AGBL1: variants seen among roughly 807,000 people sequenced by gnomAD.
The protein encoded by AGBL1 is cytosolic carboxypeptidase 4.
A neutral mutation model predicts 118.9 loss-of-function variants in AGBL1; 130 were observed. The ratio of observed to expected loss-of-function variants is 1.09; its 90% CI spans 0.95 to 1.26. The LOEUF (loss-of-function observed/expected upper bound fraction) is 1.26, where lower values mean the gene tolerates loss of function less well. AGBL1 is among the 50% of genes most tolerant of loss of function. AGBL1 has a pLI of 0.00. For missense variants in AGBL1, 1,584 were observed against 1,298.1 expected (o/e 1.22, Z -3.38); for synonymous variants, 555 against 478.9 (o/e 1.16, Z -2.08).
chr15:86,889,302 G>T (rs1199785522), intron 22 of AGBL1, among the ~76,000 whole-genome samples: 1 of 131,092 alleles, frequency 7.6e-6, no homozygotes, highest in Non-Finnish European at 1.5e-5. Flanking sequence ...AAATCTAAGT[G>T]CTTTCGGCAA....
intron 23 of AGBL1, among the ~76,000 whole-genome samples, chr15:86,946,801 G>A (rs1168879678): frequency 7.7e-6 from 1 of 129,896 alleles, no homozygotes; most frequent in Non-Finnish European, 1.6e-5. Context: ...CCAAAATCAT[G>A]CCATTGCACT....
At chr15:86,463,965 T>C (rs536093533) in intron 18 of AGBL1, among the ~76,000 whole-genome samples, 1 of 152,288 alleles carries the variant, frequency 6.6e-6, no homozygotes, top group Admixed American at 6.5e-5. Flanking sequence ...AGTTTTTTTC[T>C]GATTCTATAA....
At chr15:86,612,271 C>A (rs1439380508) in intron 21 of AGBL1, among the ~76,000 whole-genome samples, 2 of 152,172 alleles carry the variant, frequency 1.3e-5, no homozygotes, top group Non-Finnish European at 1.5e-5. Flanking sequence ...CAATATGCCA[C>A]CCCAAAATAT....
chr15:86,779,724 A>T (rs1023496881), intron 22 of AGBL1, among the ~76,000 whole-genome samples: 4 of 152,138 alleles, frequency 2.6e-5, no homozygotes, highest in African/African-American at 7.2e-5. Context: ...TAATGGGGAA[A>T]TAGTGGGATT....
At chr15:86,568,960 GTATGAGATACTTTGTT>G (rs2083960321) in intron 21 of AGBL1, among the ~76,000 whole-genome samples, 1 of 151,632 alleles carries the variant, frequency 6.6e-6, no homozygotes, top group Non-Finnish European at 1.5e-5. Context: ...ATAATTCCTA[GTATGAGATACTTTGTT>G]GATCTATGCC....
intron 21 of AGBL1, among the ~76,000 whole-genome samples, chr15:86,606,126 C>CAAAAAAAAAAAAAAAAAAA: frequency 1.0e-5 from 1 of 96,862 alleles, no homozygotes; most frequent in Non-Finnish European, 1.9e-5. Flanking sequence ...GACTCCATCT[C>CAAAAAAAAAAAAAAAAAAA]AAAAAAAAAA....
At chr15:86,601,446 G>A (rs534277833) in intron 21 of AGBL1, among the ~76,000 whole-genome samples, 1 of 152,248 alleles carries the variant, frequency 6.6e-6, no homozygotes, top group South Asian at 2.1e-4. Flanking sequence ...AATAGGTAGT[G>A]AATTTCACAA....
At chr15:86,151,621 G>A (rs900584902) in intron 3 of AGBL1, among the ~76,000 whole-genome samples, 7 of 152,110 alleles carry the variant, frequency 4.6e-5, no homozygotes, top group African/African-American at 9.7e-5. Flanking sequence ...AGCACAAGAC[G>A]AGTATGCCCT....
intron 24 of AGBL1, among the ~76,000 whole-genome samples, chr15:86,989,344 A>G (rs188219871): frequency 6.6e-6 from 1 of 152,208 alleles, no homozygotes; most frequent in East Asian, 1.9e-4. Flanking sequence ...CTTTTACTGT[A>G]AAGTCTGATG....
chr15:86,947,045 C>T (rs2080832697), intron 23 of AGBL1, among the ~76,000 whole-genome samples: 2 of 152,222 alleles, frequency 1.3e-5, no homozygotes, highest in South Asian at 4.1e-4. Context: ...AGCACACAAA[C>T]CTATCCAGGG....
chr15:86,710,977 A>G (rs1420834937), intron 22 of AGBL1, among the ~76,000 whole-genome samples: 2 of 152,276 alleles, frequency 1.3e-5, no homozygotes, highest in South Asian at 2.1e-4. Context: ...TTTAAAGTTC[A>G]GGGCTCAACA....
intron 13 of AGBL1, among the ~76,000 whole-genome samples, chr15:86,269,644 A>G (rs974344031): frequency 6.6e-6 from 1 of 152,234 alleles, no homozygotes; most frequent in African/African-American, 2.4e-5. Context: ...AAATAAATAC[A>G]ACTATTGTGT....
chr15:86,438,361 G>A (rs1488404765), intron 18 of AGBL1, among the ~76,000 whole-genome samples: 4 of 152,100 alleles, frequency 2.6e-5, no homozygotes, highest in African/African-American at 9.7e-5. Context: ...ACAATCACAT[G>A]CTCTGAGCAG....
intron 17 of AGBL1, among the ~76,000 whole-genome samples, chr15:86,349,002 G>A (rs901106502): frequency 6.6e-6 from 1 of 152,130 alleles, no homozygotes; most frequent in Non-Finnish European, 1.5e-5. Context: ...TTTAAGACAA[G>A]GAAACTTTGG....
intron 21 of AGBL1, among the ~76,000 whole-genome samples, chr15:86,576,331 C>G (rs557349550): frequency 1.3e-5 from 2 of 151,856 alleles, no homozygotes; most frequent in Non-Finnish European, 2.9e-5. Context: ...GGGCAGCCTC[C>G]AAACCAGAAT....
intron 23 of AGBL1, among the ~76,000 whole-genome samples, chr15:86,943,516 T>C (rs2080779850): frequency 6.6e-6 from 1 of 152,180 alleles, no homozygotes. Context: ...CTGATTTACA[T>C]AGGGCACGAG....
At chr15:86,442,754 C>T (rs75389577) in intron 18 of AGBL1, among the ~76,000 whole-genome samples, 4,138 of 152,230 alleles carry the variant, frequency 0.027, 196 homozygotes, top group African/African-American at 0.094. Context: ...GCAAGAAAAG[C>T]AAGGGCTTCG....
At chr15:86,571,561 T>A (rs2084006442) in intron 21 of AGBL1, among the ~76,000 whole-genome samples, 1 of 152,068 alleles carries the variant, frequency 6.6e-6, no homozygotes, top group East Asian at 1.9e-4. Context: ...AGAGGGTGGT[T>A]CCTCTCTGCT....
intron 17 of AGBL1, among the ~76,000 whole-genome samples, chr15:86,354,568 C>G (rs1483738472): frequency 6.6e-6 from 1 of 152,130 alleles, no homozygotes; most frequent in African/African-American, 2.4e-5. Context: ...AGAGGAGAGA[C>G]ATATTAGCAT....
Sources: gnomAD v4.1 joint callset for allele counts (sites outside exome capture counted in the v4.1 genomes callset) on GRCh38, gnomAD v4.1.1 for gene constraint, MANE v1.5 for transcripts, NCBI Gene and HGNC (gene_info 2026-07-23, HGNC 2026-07-21) for gene names.